Variants in PCDHB1 observed in about 807,000 individuals in gnomAD.
PCDHB1 encodes the protein protocadherin beta 1.
In PCDHB1, 44 loss-of-function variants were observed where a neutral mutation model predicts 43.5. The ratio of observed to expected loss-of-function variants is 1.01; its 90% CI spans 0.79 to 1.30. The LOEUF (loss-of-function observed/expected upper bound fraction) is 1.30. Among genes scored for constraint, PCDHB1 ranks in the 50% most tolerant of loss-of-function variants. The pLI is 0.00. For synonymous variants in PCDHB1, 392 were observed against 400.8 expected (o/e 0.98, Z 0.26); for missense variants, 919 against 1,008.9 (o/e 0.91, Z 1.21).
rs781826035 is a variant in PCDHB1, at chr5:141,053,293, T to C, written c.1823T>C (p.Leu608Pro). ...AATTCTTGGCTTTCATATCATCTAC[T>C]TAAGGCCACTGACCTTGGGTTATTT... Reference protein sequence around the residue: ...GQNSWLSYHLLKATDLGLFSV... With the variant: ...GQNSWLSYHLPKATDLGLFSV... The change falls in exon 1 of 1, where the codon CTT becomes CCT. Residue 608 changes from leucine to proline, a missense_variant. By Grantham distance (98) the Leu-to-Pro change is moderately conservative. Coordinates refer to ENST00000306549, the MANE Select transcript of PCDHB1 (RefSeq NM_013340.4). 1.2e-6 allele frequency: 2 copies of C among 1,614,244 alleles called. No individual in the cohort carries two copies. The highest frequency in any genetic ancestry group is 1.7e-6 in the Non-Finnish European group (2 of 1,180,036).
At position 141,052,123 on chromosome 5, in the gene PCDHB1, G is replaced by A. The variant is rs1750993585; in HGVS notation, c.653G>A (p.Gly218Glu). ...VNLTITAVDGGSPPKSGTAHI... is the reference protein window; with the variant it reads ...VNLTITAVDGESPPKSGTAHI... ...TTGACAATTACGGCGGTGGACGGCG[G>A]GTCCCCGCCTAAGTCTGGCACAGCT... The change falls in exon 1 of 1, where the codon GGG (glycine) becomes GAG (glutamate). Residue 218 changes from glycine (G) to glutamate (E), a missense_variant. By Grantham distance (98) the Gly-to-Glu change is moderately conservative. Transcript: ENST00000306549. 6.2e-7 allele frequency: 1 copy of A among 1,612,632 alleles called. No individual in the cohort carries two copies.
At position 141,052,783 on chromosome 5, in the gene PCDHB1, T is replaced by G. The variant is rs782799120; in HGVS notation, c.1313T>G (p.Ile438Arg). Residue 438 changes from isoleucine to arginine, a missense_variant, in exon 1 of 1, where the codon ATA becomes AGA. Coordinates refer to ENST00000306549, the MANE Select transcript of PCDHB1 (RefSeq NM_013340.4). Reference sequence around the variant, plus strand: ...CCTAGCTTGTCTGCCGAGACTATGATAGAGGTGCTAATATCCGACGTTAAT... The same window carrying G: ...CCTAGCTTGTCTGCCGAGACTATGAGAGAGGTGCTAATATCCGACGTTAAT... Reference protein sequence around the residue: ...GPPSLSAETMIEVLISDVNDN... With the variant: ...GPPSLSAETMREVLISDVNDN... 1 of 1,614,066 alleles carries G rather than the reference T, an allele frequency of 6.2e-7. No homozygotes were observed. The highest frequency in any genetic ancestry group is 8.5e-7 in the Non-Finnish European group (1 of 1,180,042).
Position 141,054,839 on chromosome 5 carries a change from A to C in PCDHB1, c.*912A>C, listed in dbSNP as rs1175212109. The stretch of plus-strand genomic sequence containing the variant: ...CTCCTGAGTAGCTAGGATTACAGGC[A>C]TGCGCCACCATGCCCAGCTAATTTT... On this transcript the variant is annotated 3_prime_UTR_variant, in exon 1 of 1. Transcript: ENST00000306549. 6 of 152,208 alleles carry C rather than the reference A, an allele frequency of 3.9e-5. No individual in the cohort carries two copies. Among genetic ancestry groups the C allele is most frequent in the African/African-American group, 1.5e-4 (6 of 41,366 alleles). 9.4% of individuals were successfully genotyped at this position (152,208 alleles called of 1,614,324 possible). A position where few individuals can be genotyped will look rare whatever the true frequency, so the allele number is the denominator to read the frequency against.
rs781846497 is a variant in PCDHB1, at chr5:141,052,505, C to T, written c.1035C>T (p.Pro345=). ...VEVVDVNDNP[P]EVMVSSVSSP... Reference sequence around the variant, plus strand: ...TGGTGGATGTGAATGACAATCCTCCCGAAGTGATGGTCTCCTCTGTGTCCA... The same window carrying T: ...TGGTGGATGTGAATGACAATCCTCCTGAAGTGATGGTCTCCTCTGTGTCCA... The change falls in exon 1 of 1, where the codon CCC becomes CCT. Residue 345 remains proline, a synonymous_variant. Transcript: ENST00000306549. 2.5e-6 allele frequency: 4 copies of T among 1,613,994 alleles called. No individual in the cohort carries two copies. Among genetic ancestry groups the T allele is most frequent in the East Asian group, 2.2e-5 (1 of 44,882 alleles).
In PCDHB1 at chr5:141,053,307, C is replaced by A; in HGVS notation, c.1837C>A (p.Leu613Ile). The A allele has an allele frequency of 6.2e-7, 1 of 1,614,186 alleles. No individual in the cohort carries two copies. Among genetic ancestry groups the A allele is most frequent in the South Asian group, 1.1e-5 (1 of 91,078 alleles). The change falls in exon 1 of 1, where the codon CTT (leucine) becomes ATT (isoleucine). Residue 613 changes from leucine to isoleucine, a missense_variant. Coordinates refer to ENST00000306549, the MANE Select transcript of PCDHB1 (RefSeq NM_013340.4). Reference protein sequence around the residue: ...LSYHLLKATDLGLFSVQRQNG... With the variant: ...LSYHLLKATDIGLFSVQRQNG... ...ATATCATCTACTTAAGGCCACTGACCTTGGGTTATTTTCTGTTCAAAGACA... is the reference window on the plus strand; with the variant it reads ...ATATCATCTACTTAAGGCCACTGACATTGGGTTATTTTCTGTTCAAAGACA...
At position 141,052,080 on chromosome 5, in the gene PCDHB1, G is replaced by C. The variant is rs147316398; in HGVS notation, c.610G>C (p.Glu204Gln). 23 of 1,613,980 alleles carry C rather than the reference G, an allele frequency of 1.4e-5. No homozygotes were observed. The African/African-American group carries it at 2.8e-4, about 20-fold the overall frequency. ...LVLNKPLDRE[E>Q]QPEVNLTITA... ...GCTGAACAAACCCCTGGACCGAGAG[G>C]AGCAGCCTGAAGTCAACTTGACAAT... Residue 204 changes from glutamate to glutamine, a missense_variant, in exon 1 of 1, where the codon GAG (glutamate) becomes CAG (glutamine). Coordinates refer to ENST00000306549, the MANE Select transcript of PCDHB1 (RefSeq NM_013340.4).
rs139937801 is a variant in PCDHB1 at position 141,056,868 on chromosome 5, G to C, written c.*2941G>C. 1 of 152,194 alleles carries C rather than the reference G, an allele frequency of 6.6e-6. No individual in the cohort carries two copies. Among genetic ancestry groups the C allele is most frequent in the South Asian group, 2.1e-4 (1 of 4,834 alleles). 9.4% of individuals were successfully genotyped at this position (152,194 alleles called of 1,614,324 possible). ...GCTCCTGATCTCAGGTGATCCACCC[G>C]CCTTGGCCTCCCAAAGTGCTAGGAT... On this transcript the variant is annotated 3_prime_UTR_variant, in exon 1 of 1. Coordinates refer to ENST00000306549, the MANE Select transcript of PCDHB1 (RefSeq NM_013340.4).
Position 141,056,797 on chromosome 5 carries a change from G to GCTT in PCDHB1, c.*2872_*2874dup, listed in dbSNP as rs1554267859. ...ATTTTGTGTTTTTAGTAGAGACGGG[G>GCTT]CTTCGCCATGTTGGCATTTCGCTAT... On this transcript the variant is annotated 3_prime_UTR_variant, in exon 1 of 1. Transcript: ENST00000306549. The GCTT allele has an allele frequency of 6.6e-6, 1 of 152,174 alleles. No individual in the cohort carries two copies. Among genetic ancestry groups the GCTT allele is most frequent in the Non-Finnish European group, 1.5e-5 (1 of 68,040 alleles). The allele number at this position is 152,174 out of a possible 1,614,324, so 9.4% of individuals were successfully genotyped here.
In PCDHB1 at chr5:141,052,121, C is replaced by T. The variant is rs1554267186; in HGVS notation, c.651C>T (p.Gly217=). 4 of 1,611,922 alleles carry T rather than the reference C, an allele frequency of 2.5e-6. No individual in the cohort carries two copies. The highest frequency in any genetic ancestry group is 3.4e-6 in the Non-Finnish European group (4 of 1,179,036). The change falls in exon 1 of 1, where the codon GGC becomes GGT. Residue 217 remains glycine (G), a synonymous_variant. Coordinates refer to ENST00000306549, the MANE Select transcript of PCDHB1 (RefSeq NM_013340.4). ...ACTTGACAATTACGGCGGTGGACGG[C>T]GGGTCCCCGCCTAAGTCTGGCACAG... ...EVNLTITAVD[G]GSPPKSGTAH... is the part of the protein sequence containing the mutation.
rs148313450 is a variant in PCDHB1, at chr5:141,051,881, G to T, written c.411G>T (p.Glu137Asp). 861 of 1,614,188 alleles carry T rather than the reference G, an allele frequency of 5.3e-4. No homozygotes were observed. The highest frequency in any genetic ancestry group is 7.0e-4 in the Non-Finnish European group (821 of 1,180,030). Residue 137 changes from glutamate to aspartate, a missense_variant, in exon 1 of 1, where the codon GAG (glutamate) becomes GAT (aspartate). Coordinates refer to ENST00000306549, the MANE Select transcript of PCDHB1 (RefSeq NM_013340.4). ...ATGCCCCAGTTTTCCTAAACAAGGAGCCGCTTTTAAAGATTCCGGAGAGCA... is the reference window on the plus strand; with the variant it reads ...ATGCCCCAGTTTTCCTAAACAAGGATCCGCTTTTAAAGATTCCGGAGAGCA... ...NDNAPVFLNK[E>D]PLLKIPESTP...
Position 141,054,045 on chromosome 5 carries a change from G to A in PCDHB1, c.*118G>A. The stretch of plus-strand genomic sequence containing the variant: ...TAGATTGCAGCTTTAGTAAAGATAA[G>A]AGTACTTAGTTTGGTGAAAATGGGA... On this transcript the variant is annotated 3_prime_UTR_variant, in exon 1 of 1. Transcript: ENST00000306549. 1 of 834,078 alleles carries A rather than the reference G, an allele frequency of 1.2e-6. No homozygotes were observed. The highest frequency in any genetic ancestry group is 3.5e-4 in the Middle Eastern group (1 of 2,826). 51.7% of individuals were successfully genotyped at this position (834,078 alleles called of 1,614,324 possible).
Position 141,053,796 on chromosome 5 carries a change from C to T in PCDHB1, c.2326C>T (p.Pro776Ser), listed in dbSNP as rs1554267531. 3 of 1,614,134 alleles carry T rather than the reference C, an allele frequency of 1.9e-6. No individual in the cohort carries two copies. Among genetic ancestry groups the T allele is most frequent in the Admixed American group, 1.7e-5 (1 of 60,020 alleles). ...SEFRFLKRFM[P>S]NFPFPHATGE... ...GTTTCGCTTTCTTAAGCGTTTTATG[C>T]CCAACTTCCCTTTCCCTCATGCCAC... Residue 776 changes from proline (P) to serine (S), a missense_variant, in exon 1 of 1, where the codon CCC becomes TCC. Coordinates refer to ENST00000306549, the MANE Select transcript of PCDHB1 (RefSeq NM_013340.4).
In PCDHB1 at chr5:141,053,405, T is replaced by G; in HGVS notation, c.1935T>G (p.Val645=). 10 of 1,614,206 alleles carry G rather than the reference T, an allele frequency of 6.2e-6. No individual in the cohort carries two copies. The highest frequency in any genetic ancestry group is 8.5e-6 in the Non-Finnish European group (10 of 1,180,022). The change falls in exon 1 of 1, where the codon GTT becomes GTG. Residue 645 remains valine, a synonymous_variant. Transcript: ENST00000306549. ...TGATGCAGAAATTGATCATTCTTGT[T>G]CAGGATCACGGCCAACCAGCTCTTT... is the stretch of plus-strand genomic sequence containing the variant. ...DPMMQKLIIL[V]QDHGQPALST...
rs1011395351 is a variant in PCDHB1, at chr5:141,058,321, G to C, written c.*4394G>C. The C allele has an allele frequency of 6.6e-6, 1 of 152,146 alleles. No individual in the cohort carries two copies. The highest frequency in any genetic ancestry group is 1.5e-5 in the Non-Finnish European group (1 of 68,024). 9.4% of individuals were successfully genotyped at this position (152,146 alleles called of 1,614,324 possible). ...TGAGATTTTTGAAGAGTACTAGCCA[G>C]TTATTTGTAGAATGCCCCTCAGTTT... On this transcript the variant is annotated 3_prime_UTR_variant, in exon 1 of 1. Transcript: ENST00000306549.
rs782722356 is a variant in PCDHB1 at position 141,056,272 on chromosome 5, C to T, written c.*2345C>T. On this transcript the variant is annotated 3_prime_UTR_variant, in exon 1 of 1. Coordinates refer to ENST00000306549, the MANE Select transcript of PCDHB1 (RefSeq NM_013340.4). ...TAATGACTGATACCTAATGGCACCA[C>T]CTGGCTGTTTACCTGTTGGCCAGGA... 7.2e-5 allele frequency: 11 copies of T among 152,118 alleles called. No homozygotes were observed. The highest frequency in any genetic ancestry group is 2.7e-4 in the African/African-American group (11 of 41,414). 9.4% of individuals were successfully genotyped at this position (152,118 alleles called of 1,614,324 possible). A position where few individuals can be genotyped will look rare whatever the true frequency, so the allele number is the denominator to read the frequency against.
chr5:141,054,235 G>C lies in PCDHB1; in HGVS notation c.*308G>C, dbSNP rs573711790. On this transcript the variant is annotated 3_prime_UTR_variant, in exon 1 of 1. Coordinates refer to ENST00000306549, the MANE Select transcript of PCDHB1 (RefSeq NM_013340.4). ...TGCTTTTCCATCTCTGTGCTAGCAAGTAATGAATAAGCCATTATTCACATT... is the reference window on the plus strand; with the variant it reads ...TGCTTTTCCATCTCTGTGCTAGCAACTAATGAATAAGCCATTATTCACATT... 8 of 260,130 alleles carry C rather than the reference G, an allele frequency of 3.1e-5. No individual in the cohort carries two copies. The highest frequency in any genetic ancestry group is 5.2e-5 in the Non-Finnish European group (7 of 135,808). 16.1% of individuals were successfully genotyped at this position (260,130 alleles called of 1,614,324 possible). A position where few individuals can be genotyped will look rare whatever the true frequency, so the allele number is the denominator to read the frequency against.
At position 141,053,420 on chromosome 5, in the gene PCDHB1, A is replaced by G. The variant is rs782796045; in HGVS notation, c.1950A>G (p.Gln650=). Residue 650 remains glutamine (Q), a synonymous_variant, in exon 1 of 1, where the codon CAA becomes CAG. Coordinates refer to ENST00000306549, the MANE Select transcript of PCDHB1 (RefSeq NM_013340.4). The part of the protein sequence containing the change: ...KLIILVQDHG[Q]PALSTTVSLN... Reference sequence around the variant, plus strand: ...TCATTCTTGTTCAGGATCACGGCCAACCAGCTCTTTCCACTACTGTCTCAC... The same window carrying G: ...TCATTCTTGTTCAGGATCACGGCCAGCCAGCTCTTTCCACTACTGTCTCAC... The G allele has an allele frequency of 1.9e-6, 3 of 1,614,112 alleles. No homozygotes were observed. Among genetic ancestry groups the G allele is most frequent in the Admixed American group, 1.7e-5 (1 of 60,008 alleles).
At position 141,053,512 on chromosome 5, in the gene PCDHB1, C is replaced by G; in HGVS notation, c.2042C>G (p.Ser681Cys). The change falls in exon 1 of 1, where the codon TCT becomes TGT. Residue 681 changes from serine (S) to cysteine (C), a missense_variant. By Grantham distance (112) the Ser-to-Cys change is moderately radical. Coordinates refer to ENST00000306549, the MANE Select transcript of PCDHB1 (RefSeq NM_013340.4). ...CAGTTCCAGGATCCAACCAAGCATTCTAGAAAGGTAAATCCATCCACTAAA... is the reference window on the plus strand; with the variant it reads ...CAGTTCCAGGATCCAACCAAGCATTGTAGAAAGGTAAATCCATCCACTAAA... ...YLQFQDPTKHSRKVNPSTKYL... is the reference protein window; with the variant it reads ...YLQFQDPTKHCRKVNPSTKYL... The G allele has an allele frequency of 6.2e-7, 1 of 1,614,180 alleles. No homozygotes were observed. The highest frequency in any genetic ancestry group is 8.5e-7 in the Non-Finnish European group (1 of 1,180,022).
In PCDHB1 at chr5:141,052,183, A is replaced by T; in HGVS notation, c.713A>T (p.His238Leu). ...GTGGTGGTTCTGGATGTCAACGACC[A>T]CGTGCCCCAGTTCTCGCGACTGGTG... ...IHVVVLDVNDHVPQFSRLVYR... is the reference protein window; with the variant it reads ...IHVVVLDVNDLVPQFSRLVYR... The change falls in exon 1 of 1, where the codon CAC becomes CTC. Residue 238 changes from histidine (H) to leucine (L), a missense_variant. Transcript: ENST00000306549. The T allele has an allele frequency of 6.2e-7, 1 of 1,614,090 alleles. No individual in the cohort carries two copies. Among genetic ancestry groups the T allele is most frequent in the Non-Finnish European group, 8.5e-7 (1 of 1,179,988 alleles).
Sources: gnomAD v4.1 joint callset for allele counts on GRCh38, gnomAD v4.1.1 for gene constraint, MANE v1.5 for transcripts, NCBI Gene and HGNC (gene_info 2026-07-23, HGNC 2026-07-21) for gene names.